Variants in C8orf34 observed in about 807,000 individuals in gnomAD.
The protein encoded by C8orf34 is chromosome 8 open reading frame 34.
Under a neutral mutation model 68.3 loss-of-function variants are expected in C8orf34, and 65 were observed. The ratio of observed to expected loss-of-function variants is 0.95; its 90% CI spans 0.78 to 1.17. C8orf34 has a LOEUF of 1.17. Ranked by LOEUF, C8orf34 falls within the 50% of genes most tolerant of loss-of-function variation. The probability of loss-of-function intolerance (pLI) is 0.00; values close to 1 mark genes in which losing one functional copy is unlikely to be tolerated. For synonymous variants in C8orf34, 244 were observed against 241.2 expected (o/e 1.01, Z -0.11); for missense variants, 664 against 655.4 (o/e 1.01, Z -0.14).
intron 10 of C8orf34, among the ~76,000 whole-genome samples, chr8:68,770,390 T>G (rs926905848): frequency 6.6e-6 from 1 of 152,240 alleles, no homozygotes; most frequent in African/African-American, 2.4e-5. Flanking sequence ...ATTGACATAA[T>G]CAACAAATAT....
At position 68,620,706 on chromosome 8, in the gene C8orf34, A is replaced by C. The variant is rs143180081; in HGVS notation, c.1106-19670A>C. ...AAGTTTACTGGGAAAAAAAAAAAGA[A>C]AAAGAAAATGTTTAAGCCAGAGGAA... On this transcript the variant is annotated intron_variant, in intron 7 of 13. Coordinates refer to ENST00000518698, the MANE Select transcript of C8orf34 (RefSeq NM_052958.4). 3.2e-3 allele frequency among the ~76,000 whole-genome samples: 494 copies of C among 152,176 alleles called. 1 individual carries two copies. Among genetic ancestry groups the C allele is most frequent in the African/African-American group, 0.011 (466 of 41,554 alleles).
intron 7 of C8orf34, among the ~76,000 whole-genome samples, chr8:68,609,606 CT>C (rs1817951915): frequency 6.6e-6 from 1 of 152,098 alleles, no homozygotes; most frequent in Non-Finnish European, 1.5e-5. Context: ...TGGTAAATTA[CT>C]AGCTCTATTG....
chr8:68,600,911 C>T (rs903380566), intron 7 of C8orf34, among the ~76,000 whole-genome samples: 18 of 152,284 alleles, frequency 1.2e-4, no homozygotes, highest in African/African-American at 4.3e-4. Context: ...GTGAATTCTC[C>T]TCCTCGCACA....
chr8:68,517,480 CCTCTGA>C lies in C8orf34; in HGVS notation c.766-4313_766-4308del, dbSNP rs1249933837. On this transcript the variant is annotated intron_variant, in intron 5 of 13. Coordinates refer to ENST00000518698, the MANE Select transcript of C8orf34 (RefSeq NM_052958.4). ...CCTGTAAAATATTCACTTCCTAACTCCTCTGACTCTGTTTGCAGCTCTTAGTATTGC... is the reference window on the plus strand; with the variant it reads ...CCTGTAAAATATTCACTTCCTAACTCCTCTGTTTGCAGCTCTTAGTATTGC... 5.3e-5 allele frequency among the ~76,000 whole-genome samples: 8 copies of C among 152,316 alleles called. 1 individual carries two copies. Among genetic ancestry groups the C allele is most frequent in the Admixed American group, 3.9e-4 (6 of 15,300 alleles).
intron 10 of C8orf34, among the ~76,000 whole-genome samples, chr8:68,765,861 T>C (rs1488358267): frequency 6.6e-6 from 1 of 152,232 alleles, no homozygotes. Context: ...TAATTTTGAA[T>C]TTAAATGCAC....
intron 1 of C8orf34, among the ~76,000 whole-genome samples, chr8:68,353,237 G>T (rs1457852283): frequency 6.6e-6 from 1 of 151,942 alleles, no homozygotes; most frequent in African/African-American, 2.4e-5. Context: ...AGAAAATGTG[G>T]CCTTGGACCT....
At chr8:68,503,400 G>T (rs1813863272) in intron 5 of C8orf34, among the ~76,000 whole-genome samples, 1 of 151,976 alleles carries the variant, frequency 6.6e-6, no homozygotes, top group African/African-American at 2.4e-5. Flanking sequence ...GTGGGGTGGG[G>T]GTCACAGATA....
At position 68,468,799 on chromosome 8, in the gene C8orf34, G is replaced by A. The variant is rs758310264; in HGVS notation, c.715G>A (p.Ala239Thr). 5 of 1,610,846 alleles carry A rather than the reference G, an allele frequency of 3.1e-6. No homozygotes were observed. The Admixed American group carries it at 6.7e-5, about 22-fold the overall frequency. ...ILQESKKLGK[A>T]LENLSRSIAI... ...TCAGGAGAGCAAGAAGCTGGGGAAA[G>A]CCCTTGAGAATCTCTCTCGAAGTAA... The change falls in exon 4 of 14, where the codon GCC becomes ACC. Residue 239 changes from alanine (A) to threonine (T), a missense_variant. Coordinates refer to ENST00000518698, the MANE Select transcript of C8orf34 (RefSeq NM_052958.4).
At chr8:68,764,449 G>A (rs1294698794) in intron 10 of C8orf34, among the ~76,000 whole-genome samples, 1 of 152,182 alleles carries the variant, frequency 6.6e-6, no homozygotes, top group African/African-American at 2.4e-5. Context: ...AGTGCAGTCA[G>A]TGGGCAGGTT....
rs990843520 is a variant in C8orf34, at chr8:68,389,867, G to A, written c.328-49632G>A. Among the ~76,000 whole-genome samples, 148 of 152,034 alleles carry A rather than the reference G, an allele frequency of 9.7e-4. 2 individuals carry two copies. Among genetic ancestry groups the A allele is most frequent in the Non-Finnish European group, 7.4e-5 (5 of 68,014 alleles). ...AGAAAGCAAAATCTAGTTCAAGGAC[G>A]GTTTCTTTAGATGAAAATTATGTTT... On this transcript the variant is annotated intron_variant, in intron 1 of 13. Transcript: ENST00000518698.
chr8:68,476,388 G>A (rs1209246369), intron 4 of C8orf34, among the ~76,000 whole-genome samples: 1 of 152,200 alleles, frequency 6.6e-6, no homozygotes, highest in Non-Finnish European at 1.5e-5. Context: ...AGGTACAGTA[G>A]GAGGAGAGTC....
chr8:68,635,105 T>A (rs528087792), intron 7 of C8orf34, among the ~76,000 whole-genome samples: 13 of 152,248 alleles, frequency 8.5e-5, no homozygotes, highest in African/African-American at 2.9e-4. Context: ...TTAAATACAC[T>A]CAAATTTGCA....
rs555626585 is a variant in C8orf34 at position 68,362,542 on chromosome 8, G to A, written c.327+31203G>A. Among the ~76,000 whole-genome samples the A allele has an allele frequency of 6.0e-4, 91 of 152,252 alleles. 1 individual carries two copies. The highest frequency in any genetic ancestry group is 3.7e-3 in the Admixed American group (56 of 15,302). Reference sequence around the variant, plus strand: ...GAGAGCAGTGGTTCTCCCAGCACGCGGCTGGAGATCTGAGAACGGGCAGAC... The same window carrying A: ...GAGAGCAGTGGTTCTCCCAGCACGCAGCTGGAGATCTGAGAACGGGCAGAC... On this transcript the variant is annotated intron_variant, in intron 1 of 13. Coordinates refer to ENST00000518698, the MANE Select transcript of C8orf34 (RefSeq NM_052958.4).
At chr8:68,539,474 A>G (rs888798693) in intron 7 of C8orf34, among the ~76,000 whole-genome samples, 1 of 152,244 alleles carries the variant, frequency 6.6e-6, no homozygotes, top group Admixed American at 6.5e-5. Context: ...AATCAAATGT[A>G]TAACTATAGG....
chr8:68,804,146 C>T (rs975106879), intron 12 of C8orf34, among the ~76,000 whole-genome samples: 7 of 152,142 alleles, frequency 4.6e-5, no homozygotes, highest in Non-Finnish European at 1.0e-4. Flanking sequence ...TTTTCCTCAA[C>T]TTTGCTGTCA....
intron 4 of C8orf34, among the ~76,000 whole-genome samples, chr8:68,470,876 G>C (rs188764482): frequency 6.6e-6 from 1 of 152,026 alleles, no homozygotes. Flanking sequence ...ATCACATTGC[G>C]GATTAGAGTT....
chr8:68,422,990 T>C (rs1810046569), intron 1 of C8orf34, among the ~76,000 whole-genome samples: 1 of 152,186 alleles, frequency 6.6e-6, no homozygotes, highest in Non-Finnish European at 1.5e-5. Flanking sequence ...CAGGGCACCA[T>C]GTCCTGAGGC....
intron 10 of C8orf34, among the ~76,000 whole-genome samples, chr8:68,758,330 G>A (rs1822925538): frequency 1.3e-5 from 2 of 152,070 alleles, no homozygotes; most frequent in South Asian, 4.2e-4. Flanking sequence ...TGTTTCTGTG[G>A]GTCAGTAGAT....
At chr8:68,643,690 C>A (rs917590994) in intron 8 of C8orf34, among the ~76,000 whole-genome samples, 4 of 152,122 alleles carry the variant, frequency 2.6e-5, no homozygotes, top group African/African-American at 7.2e-5. Flanking sequence ...AGGGTTCCAC[C>A]CTTGTGACCT....
Sources: gnomAD v4.1 joint callset for allele counts (sites outside exome capture counted in the v4.1 genomes callset) on GRCh38, gnomAD v4.1.1 for gene constraint, MANE v1.5 for transcripts, NCBI Gene and HGNC (gene_info 2026-07-23, HGNC 2026-07-21) for gene names.